Variants in PDE3A observed in about 807,000 individuals in gnomAD.
The protein encoded by PDE3A is cGMP-inhibited 3',5'-cyclic phosphodiesterase 3A.
A neutral mutation model predicts 98.3 loss-of-function variants in PDE3A; 43 were observed. That is an observed-to-expected ratio of 0.44 (90% confidence interval 0.34 to 0.56). PDE3A has a LOEUF of 0.56. Ranked by LOEUF, PDE3A falls within the 20% of genes least tolerant of loss-of-function variation. The pLI, the probability that PDE3A is intolerant of heterozygous loss-of-function variation, is 0.01. For synonymous variants in PDE3A, 663 were observed against 567.9 expected, an observed-to-expected ratio of 1.17 and a Z score of -2.38; for missense variants, 1,427 against 1,440.7, an observed-to-expected ratio of 0.99 and a Z score of 0.15.
intron 1 of PDE3A, among the ~76,000 whole-genome samples, chr12:20,375,758 T>C (rs7306380): frequency 0.31 from 47,281 of 151,802 alleles, 7,585 homozygotes; most frequent in East Asian, 0.51. Context: ...GTGAGATTAA[T>C]GAGAAGTGAA....
chr12:20,477,948 C>T (rs1945557956), intron 1 of PDE3A, among the ~76,000 whole-genome samples: 1 of 152,142 alleles, frequency 6.6e-6, no homozygotes, highest in Admixed American at 6.5e-5. Flanking sequence ...CAGATCGCAT[C>T]TTCTGCCAGA....
intron 2 of PDE3A, among the ~76,000 whole-genome samples, chr12:20,568,449 G>A (rs184051121): frequency 2.0e-5 from 3 of 151,962 alleles, no homozygotes; most frequent in African/African-American, 7.2e-5. Context: ...TGGTGGTTGT[G>A]GAACTTTTAA....
At chr12:20,604,100 C>T (rs554991195) in intron 2 of PDE3A, among the ~76,000 whole-genome samples, 14 of 150,942 alleles carry the variant, frequency 9.3e-5, no homozygotes, top group Non-Finnish European at 2.9e-5. Context: ...AACCAGGAGG[C>T]GGAGGTGGCA....
At chr12:20,635,269 A>G (rs1344795771) in intron 8 of PDE3A, among the ~76,000 whole-genome samples, 1 of 152,090 alleles carries the variant, frequency 6.6e-6, no homozygotes. Context: ...AAAATACAAA[A>G]AAATTACCCA....
At chr12:20,421,104 A>G (rs1410639034) in intron 1 of PDE3A, among the ~76,000 whole-genome samples, 2 of 152,222 alleles carry the variant, frequency 1.3e-5, no homozygotes, top group African/African-American at 4.8e-5. Context: ...ATTGACAAAT[A>G]GGATAGTTAT....
chr12:20,476,921 A>G (rs991060390), intron 1 of PDE3A, among the ~76,000 whole-genome samples: 1 of 152,222 alleles, frequency 6.6e-6, no homozygotes, highest in Non-Finnish European at 1.5e-5. Flanking sequence ...TTGTGTCATT[A>G]ACAATAAAGT....
chr12:20,606,594 C>T (rs913780609), intron 2 of PDE3A, among the ~76,000 whole-genome samples: 14 of 151,738 alleles, frequency 9.2e-5, no homozygotes, highest in African/African-American at 3.4e-4. Flanking sequence ...TGCGGTGGCT[C>T]ACGCTTATAA....
intron 2 of PDE3A, 76 bp from the exon 3 acceptor site, chr12:20,613,365 GAA>G: frequency 7.3e-7 from 1 of 1,362,478 alleles, no homozygotes; most frequent in Non-Finnish European, 1.0e-6. Context: ...ATTTCTTAGT[GAA>G]AAAGTCCAAA....
intron 2 of PDE3A, among the ~76,000 whole-genome samples, chr12:20,598,954 A>G (rs954209692): frequency 1.3e-5 from 2 of 152,142 alleles, no homozygotes; most frequent in Admixed American, 1.3e-4. Flanking sequence ...CAAGCACTGC[A>G]TACTGTTTGA....
intron 1 of PDE3A, among the ~76,000 whole-genome samples, chr12:20,466,905 T>C (rs1408088928): frequency 1.3e-5 from 2 of 152,192 alleles, no homozygotes; most frequent in Non-Finnish European, 2.9e-5. Flanking sequence ...TGTGCTTAAG[T>C]CATTTTATAG....
intron 1 of PDE3A, among the ~76,000 whole-genome samples, chr12:20,522,713 T>C (rs1946451352): frequency 1.3e-5 from 2 of 152,170 alleles, no homozygotes; most frequent in Admixed American, 1.3e-4. Flanking sequence ...ATTGGAAATG[T>C]GATGTGAGAG....
intron 1 of PDE3A, among the ~76,000 whole-genome samples, chr12:20,532,872 T>C (rs1941645426): frequency 6.6e-6 from 1 of 152,074 alleles, no homozygotes; most frequent in African/African-American, 2.4e-5. Flanking sequence ...GTATTTTTAG[T>C]AGAGACGGGG....
rs544862727 is a variant in PDE3A, at chr12:20,653,531, T to A, written c.2926-416T>A. 3.0e-3 allele frequency among the ~76,000 whole-genome samples: 458 copies of A among 152,026 alleles called. 7 individuals are homozygous for A. The highest frequency in any genetic ancestry group is 3.3e-3 in the Non-Finnish European group (222 of 67,988). On this transcript the variant is annotated intron_variant, in intron 14 of 15. Transcript: ENST00000359062. ...GCACCTGCCACTACACCCAGCTAAT[T>A]TTTTGTATTTTTAATAGAGACGGAG...
At chr12:20,467,786 G>A (rs942031366) in intron 1 of PDE3A, among the ~76,000 whole-genome samples, 1 of 151,128 alleles carries the variant, frequency 6.6e-6, no homozygotes, top group Non-Finnish European at 1.5e-5. Flanking sequence ...AATACAAAAA[G>A]TAGCTGGGCA....
intron 12 of PDE3A, among the ~76,000 whole-genome samples, 189 bp from the exon 13 acceptor site, chr12:20,648,499 G>T (rs543917883): frequency 6.6e-6 from 1 of 152,090 alleles, no homozygotes; most frequent in East Asian, 1.9e-4. Flanking sequence ...CTTACAAAAA[G>T]TGGAAATTTA....
intron 1 of PDE3A, among the ~76,000 whole-genome samples, chr12:20,545,768 A>G (rs1942034858): frequency 1.0e-5 from 1 of 99,702 alleles, no homozygotes; most frequent in Non-Finnish European, 2.2e-5. Flanking sequence ...GGCAAGAGGT[A>G]GTGGCTGCCA....
chr12:20,400,379 GTTTTTTT>G (rs75851941), intron 1 of PDE3A, among the ~76,000 whole-genome samples: 21 of 110,246 alleles, frequency 1.9e-4, no homozygotes, highest in African/African-American at 6.2e-4. Flanking sequence ...GTTAACATTG[GTTTTTTT>G]TTTTTTTTTT....
Position 20,416,155 on chromosome 12 carries a change from A to G in PDE3A, c.960+45911A>G, listed in dbSNP as rs1591907779. Among the ~76,000 whole-genome samples, 3 of 152,338 alleles carry G rather than the reference A, an allele frequency of 2.0e-5. No homozygotes were observed. The East Asian group carries it at 5.8e-4, about 29-fold the overall frequency. ...AAAGCACAGCATTAACTTTAGTTGC[A>G]TGAAAATTTCCCAAGTTGGTATATG... On this transcript the variant is annotated intron_variant, in intron 1 of 15. Coordinates refer to ENST00000359062, the MANE Select transcript of PDE3A (RefSeq NM_000921.5).
chr12:20,484,687 A>G (rs1168914388), intron 1 of PDE3A, among the ~76,000 whole-genome samples: 1 of 152,040 alleles, frequency 6.6e-6, no homozygotes, highest in African/African-American at 2.4e-5. Context: ...TTTAATTTTT[A>G]TACGTAGGAT....
Sources: allele counts gnomAD v4.1 joint callset (sites outside exome capture counted in the v4.1 genomes callset), GRCh38; gene constraint gnomAD v4.1.1; transcripts MANE v1.5; gene names NCBI Gene and HGNC (gene_info 2026-07-23, HGNC 2026-07-21).